Variants in HDAC9 observed in about 807,000 individuals in gnomAD.
HDAC9 encodes the protein MEF-2 interacting transcription repressor (MITR) protein.
HDAC9 carries 41 observed loss-of-function variants against 139.4 expected under a neutral mutation model. The observed-to-expected ratio is 0.29, with a 90% CI of 0.23 to 0.38. The LOEUF is 0.38. Among genes scored for constraint, HDAC9 ranks in the 10% least tolerant of loss-of-function variants. HDAC9 has a pLI of 1.00. For missense variants in HDAC9, 1,147 were observed against 1,297.0 expected (o/e 0.88, Z 1.78); for synonymous variants, 517 against 476.2 (o/e 1.09, Z -1.12).
Position 18,187,994 on chromosome 7 carries a change from A to G in HDAC9, c.25+25645A>G, listed in dbSNP as rs567778871. ...GACATTCTTCACAGAATTAGAAAAAACTATTTTAAATTTCATATGGAATCA... is the reference window on the plus strand; with the variant it reads ...GACATTCTTCACAGAATTAGAAAAAGCTATTTTAAATTTCATATGGAATCA... On this transcript the variant is annotated intron_variant, in intron 2 of 12. Coordinates refer to the HDAC9 transcript ENST00000417496. 3.3e-5 allele frequency among the ~76,000 whole-genome samples: 5 copies of G among 152,280 alleles called. No homozygotes were observed. The East Asian group carries it at 5.8e-4, about 18-fold the overall frequency.
rs149756951 is a variant in HDAC9, at chr7:18,946,140, A to G, written c.2938-8006A>G. Among the ~76,000 whole-genome samples the G allele has an allele frequency of 6.7e-3, 961 of 142,476 alleles. 14 individuals carry two copies. Among genetic ancestry groups the G allele is most frequent in the African/African-American group, 0.023 (911 of 38,994 alleles). 93.5% of individuals were successfully genotyped at this position (142,476 alleles called of 152,430 possible). A position where few individuals can be genotyped will look rare whatever the true frequency, so the allele number is the denominator to read the frequency against. On this transcript the variant is annotated intron_variant, in intron 23 of 25. Transcript: ENST00000686413. ...CATGTATACATGGAGAGTCTATTCT[A>G]TTTCACAGGTTTCTCTCTTTTTATG...
intron 1 of HDAC9, among the ~76,000 whole-genome samples, chr7:18,135,745 T>G (rs1450615020): frequency 1.4e-4 from 21 of 146,324 alleles, no homozygotes; most frequent in East Asian, 8.3e-4. Context: ...CTATTGTGAA[T>G]AATGCCACAA....
At chr7:18,804,247 C>G (rs944723981) in intron 17 of HDAC9, among the ~76,000 whole-genome samples, 4 of 152,120 alleles carry the variant, frequency 2.6e-5, no homozygotes, top group Admixed American at 2.6e-4. Context: ...CAGAAGCTCT[C>G]TCAGGGTGGG....
At chr7:18,904,639 G>A (rs1329753528) in intron 22 of HDAC9, among the ~76,000 whole-genome samples, 1 of 134,424 alleles carries the variant, frequency 7.4e-6, no homozygotes, top group Non-Finnish European at 1.5e-5. Flanking sequence ...GTGCAGTGAC[G>A]CGATCCGCTC....
chr7:18,358,873 A>G (rs1473490347), intron 1 of HDAC9, among the ~76,000 whole-genome samples: 1 of 152,226 alleles, frequency 6.6e-6, no homozygotes, highest in Non-Finnish European at 1.5e-5. Flanking sequence ...TGTGGTGAGG[A>G]TTATGTGAAA....
chr7:18,852,490 A>T (rs895511673), intron 21 of HDAC9, among the ~76,000 whole-genome samples: 1 of 152,224 alleles, frequency 6.6e-6, no homozygotes, highest in Non-Finnish European at 1.5e-5. Flanking sequence ...CTTTCAAAGA[A>T]ATAATACAAA....
intron 12 of HDAC9, among the ~76,000 whole-genome samples, chr7:18,690,413 C>G (rs752563829): frequency 6.6e-6 from 1 of 151,944 alleles, no homozygotes; most frequent in Admixed American, 6.6e-5. Flanking sequence ...CTCTCCTTTG[C>G]AGAGATTGAT....
At chr7:18,851,939 C>G (rs1305713279) in intron 21 of HDAC9, among the ~76,000 whole-genome samples, 2 of 152,200 alleles carry the variant, frequency 1.3e-5, no homozygotes, top group Admixed American at 1.3e-4. Flanking sequence ...ATGCCTTCTT[C>G]GCTCCTTGCA....
chr7:18,208,372 CTTTT>C (rs71553923), intron 2 of HDAC9, among the ~76,000 whole-genome samples: 1 of 130,544 alleles, frequency 7.7e-6, no homozygotes, highest in Non-Finnish European at 1.6e-5. Context: ...CTGAGAGTAT[CTTTT>C]TTTTTTTTTT....
chr7:18,483,327 A>G (rs1586211759), intron 1 of HDAC9, among the ~76,000 whole-genome samples: 1 of 152,232 alleles, frequency 6.6e-6, no homozygotes, highest in East Asian at 1.9e-4. Context: ...ATTGATATAC[A>G]GACAGGATAC....
chr7:18,808,083 A>G (rs1183120664), intron 17 of HDAC9: 2 of 152,200 alleles, frequency 1.3e-5, no homozygotes, highest in African/African-American at 4.8e-5. Context: ...AAGTGCAGCT[A>G]CTTGTGTACC....
At chr7:18,467,037 C>G (rs182623708) in intron 1 of HDAC9, among the ~76,000 whole-genome samples, 3 of 152,288 alleles carry the variant, frequency 2.0e-5, no homozygotes. Flanking sequence ...ACACCAGTGA[C>G]TTTCAAATCT....
At chr7:18,103,873 A>G (rs1338566208) in intron 1 of HDAC9, among the ~76,000 whole-genome samples, 1 of 152,222 alleles carries the variant, frequency 6.6e-6, no homozygotes, top group Non-Finnish European at 1.5e-5. Flanking sequence ...TCCTAAAAAC[A>G]AGTCTGAAAA....
At chr7:18,103,511 C>G (rs1782988384) in intron 1 of HDAC9, among the ~76,000 whole-genome samples, 1 of 152,064 alleles carries the variant, frequency 6.6e-6, no homozygotes, top group Admixed American at 6.6e-5. Context: ...CTTTTGGAGT[C>G]CCCGGTGCCT....
At chr7:18,911,405 G>C (rs923111914) in intron 22 of HDAC9, among the ~76,000 whole-genome samples, 2 of 151,168 alleles carry the variant, frequency 1.3e-5, no homozygotes, top group Non-Finnish European at 3.0e-5. Context: ...TGTTTATTTG[G>C]ATCTCGTCTC....
intron 2 of HDAC9, among the ~76,000 whole-genome samples, chr7:18,511,216 A>G (rs1057047171): frequency 1.3e-5 from 2 of 152,232 alleles, no homozygotes; most frequent in African/African-American, 2.4e-5. Context: ...TATTGTAAGA[A>G]GGAAAACAAC....
At chr7:18,639,630 A>G (rs745358687) in intron 8 of HDAC9, among the ~76,000 whole-genome samples, 1 of 152,104 alleles carries the variant, frequency 6.6e-6, no homozygotes, top group Admixed American at 6.6e-5. Context: ...GAAGAGTAGA[A>G]AATAAATACA....
intron 1 of HDAC9, among the ~76,000 whole-genome samples, chr7:18,331,986 G>C (rs927635207): frequency 9.2e-5 from 14 of 151,574 alleles, no homozygotes; most frequent in African/African-American, 3.4e-4. Context: ...TCAGGTTCCA[G>C]AGCCAGGACT....
chr7:18,927,306 G>A (rs1183892311), intron 22 of HDAC9, among the ~76,000 whole-genome samples: 1 of 152,096 alleles, frequency 6.6e-6, no homozygotes, highest in African/African-American at 2.4e-5. Context: ...AGGTATTTCT[G>A]TGGAAAGCAT....
Sources: gnomAD v4.1 joint callset for allele counts (sites outside exome capture counted in the v4.1 genomes callset) on GRCh38, gnomAD v4.1.1 for gene constraint, MANE v1.5 for transcripts, NCBI Gene and HGNC (gene_info 2026-07-23, HGNC 2026-07-21) for gene names.